The following SLC15A4 variants were observed in gnomAD, a reference collection of about 807,000 sequenced individuals.
The protein encoded by SLC15A4 is hPHT1.
SLC15A4 carries 26 observed loss-of-function variants against 46.1 expected under a neutral mutation model. The ratio of observed to expected loss-of-function variants is 0.56; its 90% CI spans 0.41 to 0.78. SLC15A4 has a LOEUF of 0.78. SLC15A4 is among the 30% of genes least tolerant of loss of function. The pLI is 0.00. For synonymous variants in SLC15A4, 370 were observed against 333.4 expected (o/e 1.11, Z -1.20); for missense variants, 751 against 755.7 (o/e 0.99, Z 0.07).
intron 1 of SLC15A4, chr12:128,815,496 GC>G (rs1435427290): frequency 1.2e-5 from 2 of 168,316 alleles, no homozygotes; most frequent in African/African-American, 4.8e-5. Context: ...GACCAGCCTG[GC>G]CAACATGGTG....
At position 128,821,617 on chromosome 12, in the gene SLC15A4, G is replaced by A. The variant is rs556864495; in HGVS notation, c.546+1781C>T. 1.6e-3 allele frequency among the ~76,000 whole-genome samples: 241 copies of A among 152,284 alleles called. 2 individuals carry two copies. In the South Asian group the frequency reaches 0.017, roughly 11 times the overall value. On this transcript the variant is annotated intron_variant, in intron 1 of 7. Coordinates refer to ENST00000266771, the MANE Select transcript of SLC15A4 (RefSeq NM_145648.4). ...AAAATGTAAGAACTAGCTGGGCGCC[G>A]TGGCTCATGCCTGTAACCCCAGCAC...
rs146316469 is a variant in SLC15A4 at position 128,817,103 on chromosome 12, T to C, written c.547-2033A>G. Among the ~76,000 whole-genome samples, 644 of 152,334 alleles carry C rather than the reference T, an allele frequency of 4.2e-3. 1 individual carries two copies. The highest frequency in any genetic ancestry group is 8.1e-3 in the Admixed American group (124 of 15,302). ...GTAACACCACTTCAAACGAAAAATC[T>C]AAATTTAAAAGAAAATCACTTATTC... is the stretch of plus-strand genomic sequence containing the variant. On this transcript the variant is annotated intron_variant, in intron 1 of 7. Transcript: ENST00000266771.
chr12:128,816,809 AC>A (rs1402161019), intron 1 of SLC15A4, among the ~76,000 whole-genome samples: 1 of 152,202 alleles, frequency 6.6e-6, no homozygotes, highest in Admixed American at 6.5e-5. Flanking sequence ...TGCCTAAGCG[AC>A]AGAGGCCCTG....
intron 1 of SLC15A4, chr12:128,815,328 A>AAAAACTTGAGTTTTTCCAAGTATC: frequency 1.1e-5 from 2 of 177,046 alleles, no homozygotes; most frequent in Non-Finnish European, 1.0e-5. Flanking sequence ...TTCCAAGTAT[A>AAAAACTTGAGTTTTTCCAAGTATC]TTCTGCTGTA....
intron 1 of SLC15A4, among the ~76,000 whole-genome samples, chr12:128,822,467 A>C (rs1955859071): frequency 2.0e-5 from 3 of 152,220 alleles, no homozygotes; most frequent in Admixed American, 2.0e-4. Context: ...AAAGCTCCTC[A>C]AACAACTGCT....
At chr12:128,800,809 C>T (rs751782948) in intron 6 of SLC15A4, 45 bp downstream of exon 6, 16 of 1,570,984 alleles carry the variant, frequency 1.0e-5, no homozygotes, top group Middle Eastern at 1.7e-4. Context: ...CGAGCGCTCA[C>T]GCTTGTGCCT....
intron 5 of SLC15A4, among the ~76,000 whole-genome samples, chr12:128,805,676 C>A (rs1301841542): frequency 6.6e-6 from 1 of 152,104 alleles, no homozygotes; most frequent in Non-Finnish European, 1.5e-5. Context: ...GGATTAAAGG[C>A]ATGCGCCACC....
intron 5 of SLC15A4, among the ~76,000 whole-genome samples, chr12:128,807,708 C>T (rs1955606492): frequency 6.6e-6 from 1 of 152,212 alleles, no homozygotes; most frequent in Admixed American, 6.5e-5. Context: ...TGCTTATTTC[C>T]CCATGTGCCA....
At chr12:128,796,242 G>A (rs572696189) in intron 7 of SLC15A4, among the ~76,000 whole-genome samples, 42 of 152,080 alleles carry the variant, frequency 2.8e-4, no homozygotes, top group African/African-American at 9.4e-4. Flanking sequence ...TGGCCAACAC[G>A]ATGAAACCCC....
rs942446529 is a variant in SLC15A4, at chr12:128,814,920, C to T, written c.697G>A (p.Val233Ile). The change falls in exon 2 of 8, where the codon GTC (valine) becomes ATC (isoleucine). Residue 233 changes from valine to isoleucine, a missense_variant. Val to Ile is a conservative substitution (Grantham distance 29, BLOSUM62 3). Coordinates refer to ENST00000266771, the MANE Select transcript of SLC15A4 (RefSeq NM_145648.4). ...AGGAAGACCACAAAAGCAAGGCCGA[C>T]GCAGACAGTGGGGATCGCATAACCA... ...VTGYAIPTVC[V>I]GLAFVVFLCG... is the part of the protein sequence containing the mutation. The T allele has an allele frequency of 5.6e-6, 9 of 1,614,072 alleles. No individual in the cohort carries two copies. The highest frequency in any genetic ancestry group is 7.6e-6 in the Non-Finnish European group (9 of 1,180,046).
At chr12:128,820,889 T>G (rs1955825569) in intron 1 of SLC15A4, among the ~76,000 whole-genome samples, 1 of 152,186 alleles carries the variant, frequency 6.6e-6, no homozygotes, top group African/African-American at 2.4e-5. Flanking sequence ...TGAAGAAATG[T>G]GATCCCCAGT....
chr12:128,813,185 AT>A (rs60543357), intron 2 of SLC15A4: 379 of 134,284 alleles, frequency 2.8e-3, no homozygotes, highest in Middle Eastern at 3.9e-3. Context: ...ATGGGGCTAT[AT>A]TTTTTTTTTT....
intron 2 of SLC15A4, among the ~76,000 whole-genome samples, chr12:128,811,374 A>G (rs931526678): frequency 6.6e-6 from 1 of 152,246 alleles, no homozygotes; most frequent in African/African-American, 2.4e-5. Flanking sequence ...CTGGACATTC[A>G]GAGTGGGGAA....
At position 128,805,451 on chromosome 12, in the gene SLC15A4, G is replaced by C. The variant is rs141162750; in HGVS notation, c.1258+3337C>G. On this transcript the variant is annotated intron_variant, in intron 5 of 7. Coordinates refer to ENST00000266771, the MANE Select transcript of SLC15A4 (RefSeq NM_145648.4). Reference sequence around the variant, plus strand: ...TGAGGAACTGAAAATACATAAAGTAGTTACCAATAAACCTAACATAAAAGG... The same window carrying C: ...TGAGGAACTGAAAATACATAAAGTACTTACCAATAAACCTAACATAAAAGG... Among the ~76,000 whole-genome samples the C allele has an allele frequency of 4.3e-4, 66 of 152,216 alleles. No individual in the cohort carries two copies. In the East Asian group the frequency reaches 0.013, roughly 29 times the overall value.
At chr12:128,805,033 G>T (rs1331060732) in intron 5 of SLC15A4, among the ~76,000 whole-genome samples, 4 of 152,112 alleles carry the variant, frequency 2.6e-5, no homozygotes, top group South Asian at 2.1e-4. Context: ...TAACAGACAG[G>T]GTTTGTCTTC....
rs772519427 is a variant in SLC15A4 at position 128,794,306 on chromosome 12, T to C, written c.1624A>G (p.Ile542Val). Reference sequence around the variant, plus strand: ...AAAAGCAGGAGGGTAGCTCCTTGAATAGCAGCCAGAAGAAAAAAGTAATAG... The same window carrying C: ...AAAAGCAGGAGGGTAGCTCCTTGAACAGCAGCCAGAAGAAAAAAGTAATAG... Reference protein sequence around the residue: ...LNYYFFLLAAIQGATLLLFLI... With the variant: ...LNYYFFLLAAVQGATLLLFLI... The change falls in exon 8 of 8, where the codon ATT (isoleucine) becomes GTT (valine). Residue 542 changes from isoleucine (I) to valine (V), a missense_variant. Physicochemically the swap from Ile to Val is conservative, Grantham distance 29 (BLOSUM62 3). Coordinates refer to ENST00000266771, the MANE Select transcript of SLC15A4 (RefSeq NM_145648.4). The C allele has an allele frequency of 2.2e-5, 36 of 1,613,720 alleles. No individual in the cohort carries two copies. Among genetic ancestry groups the C allele is most frequent in the Middle Eastern group, 3.3e-4 (2 of 6,060 alleles).
chr12:128,807,467 C>T (rs1332725907), intron 5 of SLC15A4, among the ~76,000 whole-genome samples: 2 of 152,234 alleles, frequency 1.3e-5, no homozygotes, highest in African/African-American at 4.8e-5. Context: ...CGAGGACTCC[C>T]TTCCTTGGCA....
intron 2 of SLC15A4, among the ~76,000 whole-genome samples, chr12:128,811,340 T>C (rs533874817): frequency 6.6e-6 from 1 of 152,268 alleles, no homozygotes; most frequent in Non-Finnish European, 1.5e-5. Flanking sequence ...AAATTCTTTA[T>C]CTTATAAAGT....
At chr12:128,811,505 G>C (rs879434407) in intron 2 of SLC15A4, among the ~76,000 whole-genome samples, 2 of 152,178 alleles carry the variant, frequency 1.3e-5, no homozygotes, top group Admixed American at 1.3e-4. Flanking sequence ...CTCTACCTGG[G>C]GGCTAAAGGG....
Sources: allele counts gnomAD v4.1 joint callset (sites outside exome capture counted in the v4.1 genomes callset), GRCh38; gene constraint gnomAD v4.1.1; transcripts MANE v1.5; gene names NCBI Gene and HGNC (gene_info 2026-07-23, HGNC 2026-07-21).